Variants in CAMK2B observed in about 807,000 individuals in gnomAD.
CAMK2B encodes the protein calcium/calmodulin-dependent protein kinase type II subunit beta.
CAMK2B carries 27 observed loss-of-function variants against 93.7 expected under a neutral mutation model. The observed-to-expected ratio is 0.29, with a 90% confidence interval of 0.21 to 0.40. The LOEUF is 0.40. Among genes scored for constraint, CAMK2B ranks in the 10% least tolerant of loss-of-function variants. CAMK2B has a pLI of 1.00. For missense variants in CAMK2B, 568 were observed against 895.8 expected, an observed-to-expected ratio of 0.63 and a Z score of 4.67; for synonymous variants, 374 against 358.8, an observed-to-expected ratio of 1.04 and a Z score of -0.48.
At chr7:44,220,575 G>T in intron 22 of CAMK2B, 41 bp downstream of exon 22, 1 of 1,540,138 alleles carries the variant, frequency 6.5e-7, no homozygotes, top group Non-Finnish European at 8.9e-7. Flanking sequence ...GCTCTCCTGG[G>T]GGCACCGCCC....
intron 2 of CAMK2B, 56 bp from the exon 3 acceptor site, chr7:44,263,120 G>T: frequency 3.2e-6 from 5 of 1,560,022 alleles, no homozygotes; most frequent in Non-Finnish European, 4.4e-6. Context: ...GGTGGCCCAG[G>T]GATCGTCCAT....
intron 13 of CAMK2B, among the ~76,000 whole-genome samples, chr7:44,238,615 A>G (rs2096647389): frequency 6.6e-6 from 1 of 152,198 alleles, no homozygotes; most frequent in African/African-American, 2.4e-5. Flanking sequence ...TGGGAAGGCC[A>G]GGCTGCTCAC....
chr7:44,282,684 T>C (rs781432633), intron 2 of CAMK2B, among the ~76,000 whole-genome samples: 23 of 152,236 alleles, frequency 1.5e-4, no homozygotes, highest in Non-Finnish European at 2.5e-4. Context: ...GATGGCCTAA[T>C]ACACAGCAGT....
At position 44,279,086 on chromosome 7, in the gene CAMK2B, T is replaced by TTCCTTG. The variant is rs200914511; in HGVS notation, c.160+5044_160+5045insCAAGGA. ...ATTAGAAACACAAACACAGGCTGCA[T>TTCCTTG]ATGAGATGGTATCAAGGAATTACTG... On this transcript the variant is annotated intron_variant, in intron 2 of 23. Coordinates refer to ENST00000395749, the MANE Select transcript of CAMK2B (RefSeq NM_001220.5). Among the ~76,000 whole-genome samples the TTCCTTG allele has an allele frequency of 9.2e-3, 1,404 of 152,304 alleles. 29 individuals are homozygous for TTCCTTG. The highest frequency in any genetic ancestry group is 0.032 in the African/African-American group (1,337 of 41,562).
chr7:44,239,176 G>C (rs1211354161), intron 13 of CAMK2B, among the ~76,000 whole-genome samples: 1 of 152,228 alleles, frequency 6.6e-6, no homozygotes, highest in Non-Finnish European at 1.5e-5. Flanking sequence ...GAGGGGCAGG[G>C]TGTGTGTCTG....
At chr7:44,234,904 G>C (rs1176572247) in intron 13 of CAMK2B, among the ~76,000 whole-genome samples, 1 of 152,204 alleles carries the variant, frequency 6.6e-6, no homozygotes, top group Admixed American at 6.5e-5. Context: ...GCTCCTGCAA[G>C]CATCCAGATT....
chr7:44,268,936 C>A (rs1331363097), intron 2 of CAMK2B: 1 of 152,266 alleles, frequency 6.6e-6, no homozygotes, highest in East Asian at 1.9e-4. Context: ...TCCAAAAATG[C>A]CCGGAAAGAC....
At chr7:44,277,971 G>A (rs1207262943) in intron 2 of CAMK2B, among the ~76,000 whole-genome samples, 1 of 152,254 alleles carries the variant, frequency 6.6e-6, no homozygotes, top group Non-Finnish European at 1.5e-5. Context: ...CCAGCCCCTG[G>A]TTAGGAAGGG....
intron 20 of CAMK2B, among the ~76,000 whole-genome samples, chr7:44,221,456 C>CCCGGAGG (rs916569604): frequency 1.3e-4 from 19 of 149,968 alleles, no homozygotes; most frequent in African/African-American, 4.6e-4. Context: ...AGCAAGGCCA[C>CCCGGAGG]CCGGAGGCCG....
In CAMK2B at chr7:44,256,507, ATGTGTGCATGTTTGTACATATGTGTGCT is replaced by A. The variant is rs573649973; in HGVS notation, c.276-1928_276-1901del. 1.1e-4 allele frequency among the ~76,000 whole-genome samples: 16 copies of A among 152,340 alleles called. No individual in the cohort carries two copies. The East Asian group carries it at 3.1e-3, about 29-fold the overall frequency. Reference sequence around the variant, plus strand: ...TAGAGCAGTTTGTTCATGCGCACACATGTGTGCATGTTTGTACATATGTGTGCTTGTGTATACATGTGCATTGGGCAGG... The same window carrying A: ...TAGAGCAGTTTGTTCATGCGCACACATGTGTATACATGTGCATTGGGCAGG... On this transcript the variant is annotated intron_variant, in intron 4 of 23. Transcript: ENST00000395749.
intron 1 of CAMK2B, among the ~76,000 whole-genome samples, chr7:44,295,444 G>A (rs569208642): frequency 2.6e-5 from 4 of 152,352 alleles, no homozygotes; most frequent in South Asian, 4.1e-4. Flanking sequence ...AAAATCAAGT[G>A]TGCAGAATCA....
intron 10 of CAMK2B, 104 bp downstream of exon 10, chr7:44,242,114 G>T: frequency 1.4e-6 from 2 of 1,386,170 alleles, no homozygotes; most frequent in Non-Finnish European, 2.0e-6. Context: ...GGGAGCTCTT[G>T]GATGTCAGGA....
rs1269372400 is a variant in CAMK2B, at chr7:44,286,718, C to T, written c.66-2493G>A. On this transcript the variant is annotated intron_variant, in intron 1 of 23. Transcript: ENST00000395749. This position sits in a 1 kb window ranked among gnomAD's most constrained non-coding sequence, Gnocchi z 4.0. ...TCTGCAGAAGGCTCCAGAGCCGCCC[C>T]TGCACCATCAGCCTAGGTCGGAGCA... Among the ~76,000 whole-genome samples, 1 of 152,254 alleles carries T rather than the reference C, an allele frequency of 6.6e-6. No homozygotes were observed. Among genetic ancestry groups the T allele is most frequent in the African/African-American group, 2.4e-5 (1 of 41,472 alleles).
rs1286027820 is a variant in CAMK2B at position 44,219,294 on chromosome 7, TTTTCA to T, written c.*226_*230del. 1.3e-5 allele frequency: 2 copies of T among 150,770 alleles called. No homozygotes were observed. Among genetic ancestry groups the T allele is most frequent in the Non-Finnish European group, 3.0e-5 (2 of 67,676 alleles). 9.3% of individuals were successfully genotyped at this position (150,770 alleles called of 1,614,324 possible). A position where few individuals can be genotyped will look rare whatever the true frequency, so the allele number is the denominator to read the frequency against. ...CTTTAGTTTTTTTTGTTTTTTTTTT[TTTTCA>T]TTTCATCTGATGTCAATTTTTTTTG... On this transcript the variant is annotated 3_prime_UTR_variant, in exon 24 of 24. Transcript: ENST00000395749.
intron 1 of CAMK2B, among the ~76,000 whole-genome samples, chr7:44,324,607 T>C (rs1201373662): frequency 6.6e-6 from 1 of 152,158 alleles, no homozygotes; most frequent in African/African-American, 2.4e-5. Context: ...CCTTCCCCTT[T>C]AGGGCGCCCC....
intron 2 of CAMK2B, among the ~76,000 whole-genome samples, chr7:44,269,288 C>T (rs1473442478): frequency 6.6e-6 from 1 of 152,202 alleles, no homozygotes; most frequent in Non-Finnish European, 1.5e-5. Context: ...GGGGACCCCT[C>T]GTGTCCCAAG....
intron 1 of CAMK2B, among the ~76,000 whole-genome samples, chr7:44,307,431 G>A (rs1404198595): frequency 4.0e-5 from 6 of 150,230 alleles, no homozygotes; most frequent in Non-Finnish European, 8.9e-5. Context: ...TGATCAGGGG[G>A]AGGAGGGTGT....
At chr7:44,240,936 A>G (rs559605489) in intron 11 of CAMK2B, among the ~76,000 whole-genome samples, 187 bp from the exon 12 acceptor site, 1 of 152,112 alleles carries the variant, frequency 6.6e-6, no homozygotes, top group East Asian at 1.9e-4. Context: ...CAGATCACCT[A>G]TTTCCAGAAC....
Position 44,284,196 on chromosome 7 carries a change from A to G in CAMK2B, c.95T>C (p.Val32Ala). Reference sequence around the variant, plus strand: ...ATACTCATGGCCGGTGCAGAGCTTGACACAGCGTCGGACCACAGAGAAAGC... The same window carrying G: ...ATACTCATGGCCGGTGCAGAGCTTGGCACAGCGTCGGACCACAGAGAAAGC... ...KGAFSVVRRCVKLCTGHEYAA... is the reference protein window; with the variant it reads ...KGAFSVVRRCAKLCTGHEYAA... Residue 32 changes from valine (V) to alanine (A), a missense_variant, in exon 2 of 24, where the codon GTC (valine) becomes GCC (alanine). By Grantham distance (64) the Val-to-Ala change is moderately conservative. Coordinates refer to ENST00000395749, the MANE Select transcript of CAMK2B (RefSeq NM_001220.5). 1 of 1,613,724 alleles carries G rather than the reference A, an allele frequency of 6.2e-7. No homozygotes were observed. Among genetic ancestry groups the G allele is most frequent in the Non-Finnish European group, 8.5e-7 (1 of 1,179,886 alleles).
Sources: gnomAD v4.1 joint callset for allele counts (sites outside exome capture counted in the v4.1 genomes callset) on GRCh38, gnomAD v4.1.1 for gene constraint, Gnocchi (gnomAD v3.1) non-coding constraint, MANE v1.5 for transcripts, NCBI Gene and HGNC (gene_info 2026-07-23, HGNC 2026-07-21) for gene names.